Variants in BRCA1 observed in about 807,000 individuals in gnomAD.
BRCA1 encodes BRCA1 DNA repair associated, also known as breast cancer type 1 susceptibility protein.
In BRCA1, 140 loss-of-function variants were observed where a neutral mutation model predicts 173.7. The observed-to-expected ratio is 0.81, with a 90% confidence interval of 0.70 to 0.93. The LOEUF is 0.93. Ranked by LOEUF, BRCA1 falls within the 40% of genes least tolerant of loss-of-function variation. The pLI, the probability that BRCA1 is intolerant of heterozygous loss-of-function variation, is 0.00. For missense variants in BRCA1, 1,983 were observed against 2,172.5 expected, an observed-to-expected ratio of 0.91 and a Z score of 1.73; for synonymous variants, 662 against 756.0, an observed-to-expected ratio of 0.88 and a Z score of 2.04.
chr17:43,084,061 C>G (rs2154180942), intron 11 of BRCA1, among the ~76,000 whole-genome samples: 1 of 147,526 alleles, frequency 6.8e-6, no homozygotes, highest in Non-Finnish European at 1.5e-5. Flanking sequence ...GACGGAGTCT[C>G]ACTTTGTTGC....
chr17:43,101,301 A>T (rs941964268), intron 6 of BRCA1, among the ~76,000 whole-genome samples: 1 of 151,178 alleles, frequency 6.6e-6, no homozygotes, highest in Non-Finnish European at 1.5e-5. Context: ...GGTTCAAGTG[A>T]TCCTCCCACC....
rs766614917 is a variant in BRCA1, at chr17:43,051,060, T to C, written c.5332+3A>G. ...GAACTCTGGGGTTCTCCCAGGCTCT[T>C]ACCTGTGGGCATGTTGGTGAAGGGC... On this transcript the variant is annotated splice_donor_region_variant and intron_variant, in intron 20 of 22. Coordinates refer to ENST00000357654, the MANE Select transcript of BRCA1 (RefSeq NM_007294.4). The C allele has an allele frequency of 1.6e-5, 26 of 1,613,724 alleles. No individual in the cohort carries two copies. Among genetic ancestry groups the C allele is most frequent in the Non-Finnish European group, 2.2e-5 (26 of 1,179,756 alleles).
At chr17:43,059,668 C>G (rs1223139845) in intron 18 of BRCA1, among the ~76,000 whole-genome samples, 3 of 152,146 alleles carry the variant, frequency 2.0e-5, no homozygotes, top group African/African-American at 4.8e-5. Context: ...CCTTCAATTT[C>G]TCTTTACCTT....
At chr17:43,103,641 A>G (rs761329103) in intron 6 of BRCA1, among the ~76,000 whole-genome samples, 2 of 152,054 alleles carry the variant, frequency 1.3e-5, no homozygotes, top group African/African-American at 2.4e-5. Flanking sequence ...TCTCTTGATT[A>G]TATCAGGTAC....
At chr17:43,083,745 T>C (rs1039857432) in intron 11 of BRCA1, among the ~76,000 whole-genome samples, 2 of 152,222 alleles carry the variant, frequency 1.3e-5, no homozygotes, top group Non-Finnish European at 2.9e-5. Flanking sequence ...TTTTTGCTTA[T>C]GGGCTCCTGT....
intron 19 of BRCA1, among the ~76,000 whole-genome samples, chr17:43,056,730 G>A (rs1049021894): frequency 6.6e-6 from 1 of 152,028 alleles, no homozygotes; most frequent in Non-Finnish European, 1.5e-5. Context: ...ACACCCCAGT[G>A]AAGTGAAAAG....
At chr17:43,135,631 G>A (rs1022637859) in intron 1 of BRCA1, among the ~76,000 whole-genome samples, 7 of 152,246 alleles carry the variant, frequency 4.6e-5, no homozygotes, top group Non-Finnish European at 7.4e-5. Context: ...TCGTGAGCCC[G>A]AACAGTCCAT....
chr17:43,149,533 C>T (rs904539727), intron 1 of BRCA1, among the ~76,000 whole-genome samples: 2 of 152,074 alleles, frequency 1.3e-5, no homozygotes, highest in African/African-American at 4.8e-5. Context: ...CCGCACCCAG[C>T]CTCAGACTAA....
chr17:43,116,411 G>C (rs2055297066), intron 2 of BRCA1, among the ~76,000 whole-genome samples: 1 of 152,130 alleles, frequency 6.6e-6, no homozygotes, highest in Non-Finnish European at 1.5e-5. Flanking sequence ...TGTCACCTAG[G>C]CTGGAGTGCA....
intron 3 of BRCA1, among the ~76,000 whole-genome samples, chr17:43,109,906 T>G (rs1467251076): frequency 6.6e-6 from 1 of 152,038 alleles, no homozygotes; most frequent in Non-Finnish European, 1.5e-5. Flanking sequence ...ATCTTTTTTT[T>G]TTTTTTTAGA....
intron 1 of BRCA1, among the ~76,000 whole-genome samples, chr17:43,130,968 G>T (rs1054642658): frequency 1.3e-5 from 2 of 152,168 alleles, no homozygotes; most frequent in Non-Finnish European, 2.9e-5. Context: ...CTTCTTCTAT[G>T]AATTTTATGT....
At chr17:43,084,163 T>G (rs2053138660) in intron 11 of BRCA1, among the ~76,000 whole-genome samples, 1 of 152,174 alleles carries the variant, frequency 6.6e-6, no homozygotes, top group Non-Finnish European at 1.5e-5. Context: ...CCTGAGTAGC[T>G]GGGATTACAG....
At chr17:43,053,903 A>G (rs2051353176) in intron 19 of BRCA1, among the ~76,000 whole-genome samples, 1 of 151,832 alleles carries the variant, frequency 6.6e-6, no homozygotes, top group African/African-American at 2.4e-5. Flanking sequence ...CTGGAGGCAG[A>G]GATTGCGGTG....
Position 43,070,926 on chromosome 17 carries a change from A to G in BRCA1, c.4986+2T>C, listed in dbSNP as rs397509210. On this transcript the variant is annotated splice_donor_variant, in intron 15 of 22. Transcript: ENST00000357654. LOFTEE classifies it high-confidence loss of function. The stretch of plus-strand genomic sequence containing the variant: ...TAGGGAGATACATATGGATACACTC[A>G]CAAATTCTTCTGGGGTCAGGCCAGA... The G allele has an allele frequency of 6.2e-7, 1 of 1,614,140 alleles. No individual in the cohort carries two copies.
chr17:43,062,878 T>C (rs2051827253), intron 18 of BRCA1, among the ~76,000 whole-genome samples: 1 of 152,118 alleles, frequency 6.6e-6, no homozygotes, highest in Non-Finnish European at 1.5e-5. Context: ...ATTACAGGCA[T>C]GAGCCACTGC....
At position 43,092,050 on chromosome 17, in the gene BRCA1, C is replaced by T. The variant is rs786203438; in HGVS notation, c.3481G>A (p.Glu1161Lys). 1 of 1,614,076 alleles carries T rather than the reference C, an allele frequency of 6.2e-7. No homozygotes were observed. Among genetic ancestry groups the T allele is most frequent in the Admixed American group, 1.7e-5 (1 of 60,008 alleles). ...DDLLDDGEIK[E>K]DTSFAENDIK... The stretch of plus-strand genomic sequence containing the variant: ...TCATTTTCAGCAAAACTAGTATCTT[C>T]CTTTATTTCACCATCATCTAACAGG... The change falls in exon 10 of 23, where the codon GAA becomes AAA. Residue 1161 changes from glutamate (E) to lysine (K), a missense_variant. Glu to Lys is a moderately conservative substitution (Grantham distance 56). Transcript: ENST00000357654.
intron 13 of BRCA1, 100 bp from the exon 14 acceptor site, chr17:43,074,621 A>G: frequency 1.8e-6 from 2 of 1,109,516 alleles, no homozygotes; most frequent in Non-Finnish European, 2.7e-6. Flanking sequence ...AGCTCATGTC[A>G]GAGAGATCAG....
intron 2 of BRCA1, among the ~76,000 whole-genome samples, chr17:43,118,215 G>GC (rs1266790436): frequency 6.6e-6 from 1 of 152,130 alleles, no homozygotes; most frequent in Non-Finnish European, 1.5e-5. Flanking sequence ...CAAACCCTGA[G>GC]CAGGACCATG....
intron 1 of BRCA1, chr17:43,124,902 C>G (rs1268677882): frequency 3.2e-6 from 1 of 316,068 alleles, no homozygotes; most frequent in Non-Finnish European, 6.3e-6. Context: ...AGCGGCACCA[C>G]GCCCGGCTAA....
Sources: allele counts gnomAD v4.1 joint callset (sites outside exome capture counted in the v4.1 genomes callset), GRCh38; gene constraint gnomAD v4.1.1; transcripts MANE v1.5; gene names NCBI Gene and HGNC (gene_info 2026-07-23, HGNC 2026-07-21).